Variants in SEMA6D observed in about 807,000 individuals in gnomAD.
SEMA6D encodes semaphorin-6D.
In SEMA6D, 35 loss-of-function variants were observed where a neutral mutation model predicts 106.6. The ratio of observed to expected loss-of-function variants is 0.33; its 90% CI spans 0.25 to 0.44. The LOEUF is 0.44. Among genes scored for constraint, SEMA6D ranks in the 20% least tolerant of loss-of-function variants. The probability of loss-of-function intolerance (pLI) is 1.00; values close to 1 mark genes in which losing one functional copy is unlikely to be tolerated. For synonymous variants in SEMA6D, 499 were observed against 487.7 expected (o/e 1.02, Z -0.31); for missense variants, 1,185 against 1,345.9 (o/e 0.88, Z 1.87).
chr15:47,375,952 C>G (rs2039432948), intron 1 of SEMA6D, among the ~76,000 whole-genome samples: 2 of 152,122 alleles, frequency 1.3e-5, no homozygotes, highest in Non-Finnish European at 2.9e-5. Context: ...GGTTTGAATC[C>G]ACTCACATTG....
At chr15:47,481,144 C>T (rs2043142985) in intron 3 of SEMA6D, among the ~76,000 whole-genome samples, 1 of 152,130 alleles carries the variant, frequency 6.6e-6, no homozygotes, top group Admixed American at 6.6e-5. Context: ...TCTGTAAGGG[C>T]TCAGATCCAT....
At chr15:47,711,309 CAAAAAAA>C (rs10672105) in intron 4 of SEMA6D, among the ~76,000 whole-genome samples, 4 of 97,782 alleles carry the variant, frequency 4.1e-5, no homozygotes, top group South Asian at 7.7e-4. Context: ...GACTCCGTCT[CAAAAAAA>C]AAAAAAAAAA....
Position 47,701,362 on chromosome 15 carries a change from G to T in SEMA6D, c.-54-58383G>T, listed in dbSNP as rs562999464. On this transcript the variant is annotated intron_variant, in intron 4 of 19. Transcript: ENST00000558014. Reference sequence around the variant, plus strand: ...TAGAATGGTGGTTACCAGGAGCTGAGGGGAGGGGGATTGGGGAGATGTTGG... The same window carrying T: ...TAGAATGGTGGTTACCAGGAGCTGATGGGAGGGGGATTGGGGAGATGTTGG... Among the ~76,000 whole-genome samples, 32 of 152,302 alleles carry T rather than the reference G, an allele frequency of 2.1e-4. No individual in the cohort carries two copies. The South Asian group carries it at 6.6e-3, about 32-fold the overall frequency.
intron 1 of SEMA6D, among the ~76,000 whole-genome samples, chr15:47,321,401 C>G (rs774889034): frequency 6.6e-6 from 1 of 152,118 alleles, no homozygotes; most frequent in Non-Finnish European, 1.5e-5. Flanking sequence ...CATCCTTTAT[C>G]AATATTTATT....
intron 3 of SEMA6D, among the ~76,000 whole-genome samples, chr15:47,476,652 G>T (rs1375618294): frequency 6.6e-6 from 1 of 152,054 alleles, no homozygotes; most frequent in Non-Finnish European, 1.5e-5. Context: ...GGGGTGGGGG[G>T]AGCATGAATA....
chr15:47,259,537 C>T (rs1270383481), intron 1 of SEMA6D, among the ~76,000 whole-genome samples: 2 of 151,810 alleles, frequency 1.3e-5, no homozygotes, highest in Admixed American at 1.3e-4. Flanking sequence ...GATGAGAAAT[C>T]CAACTGTCAT....
chr15:47,347,582 CTGTTTTT>C (rs3050503), intron 1 of SEMA6D, among the ~76,000 whole-genome samples: 71,890 of 151,208 alleles, frequency 0.48, 19,638 homozygotes, highest in African/African-American at 0.76. Context: ...GCTTTATTCT[CTGTTTTT>C]TGTTTTTTGT....
intron 2 of SEMA6D, among the ~76,000 whole-genome samples, chr15:47,461,795 A>G (rs921094296): frequency 6.6e-6 from 1 of 152,072 alleles, no homozygotes; most frequent in South Asian, 2.1e-4. Flanking sequence ...GGATAAATTC[A>G]TAAGATTAGA....
chr15:47,309,631 T>A (rs1379398429), intron 1 of SEMA6D, among the ~76,000 whole-genome samples: 1 of 152,166 alleles, frequency 6.6e-6, no homozygotes, highest in Non-Finnish European at 1.5e-5. Flanking sequence ...CTAGGGGTCT[T>A]GGAACATATG....
chr15:47,503,207 AT>A (rs1207805944), intron 3 of SEMA6D, among the ~76,000 whole-genome samples: 1 of 152,058 alleles, frequency 6.6e-6, no homozygotes, highest in African/African-American at 2.4e-5. Flanking sequence ...AATATCCAAT[AT>A]TTTTCTGCTG....
intron 1 of SEMA6D, among the ~76,000 whole-genome samples, chr15:47,750,285 A>G (rs2081358279): frequency 6.6e-6 from 1 of 152,174 alleles, no homozygotes; most frequent in African/African-American, 2.4e-5. Flanking sequence ...ATCCCACTAG[A>G]TAGGGAAGTA....
intron 3 of SEMA6D, among the ~76,000 whole-genome samples, chr15:47,493,427 C>G (rs1469381497): frequency 6.6e-6 from 1 of 152,198 alleles, no homozygotes; most frequent in East Asian, 1.9e-4. Flanking sequence ...AAAACTTGCT[C>G]TATCACAATA....
intron 3 of SEMA6D, among the ~76,000 whole-genome samples, chr15:47,494,820 C>G (rs1162892724): frequency 7.0e-6 from 1 of 142,082 alleles, no homozygotes; most frequent in Non-Finnish European, 1.5e-5. Context: ...CACACACACA[C>G]ACACACACAC....
At position 47,773,130 on chromosome 15, in the gene SEMA6D, A is replaced by G. The variant is rs902375114; in HGVS notation, c.*1345A>G. 1.3e-5 allele frequency: 2 copies of G among 152,626 alleles called. No individual in the cohort carries two copies. Among genetic ancestry groups the G allele is most frequent in the African/African-American group, 4.8e-5 (2 of 41,452 alleles). The allele number at this position is 152,626 out of a possible 1,614,324, so 9.5% of individuals were successfully genotyped here. On this transcript the variant is annotated 3_prime_UTR_variant, in exon 19 of 19. Transcript: ENST00000536845. ...CTAAAATCTGTCAAGTGTTTTCAGT[A>G]TAGCACATTATTTACTGAGTGCCAG...
chr15:47,448,295 A>G (rs1299889135), intron 2 of SEMA6D, among the ~76,000 whole-genome samples: 2 of 152,084 alleles, frequency 1.3e-5, no homozygotes, highest in Admixed American at 6.6e-5. Flanking sequence ...AGAGCTGACT[A>G]TTTTCCAGAA....
intron 1 of SEMA6D, among the ~76,000 whole-genome samples, chr15:47,256,726 G>A (rs990305675): frequency 1.3e-5 from 2 of 152,044 alleles, no homozygotes; most frequent in African/African-American, 4.8e-5. Flanking sequence ...GGGCTTGGTG[G>A]TGCACGCCTA....
At chr15:47,520,068 T>C (rs989010620) in intron 3 of SEMA6D, among the ~76,000 whole-genome samples, 1 of 152,072 alleles carries the variant, frequency 6.6e-6, no homozygotes, top group African/African-American at 2.4e-5. Context: ...AGCAAGACCT[T>C]GAGAAAAATG....
chr15:47,327,661 C>T (rs1432534872), intron 1 of SEMA6D, among the ~76,000 whole-genome samples: 1 of 152,152 alleles, frequency 6.6e-6, no homozygotes, highest in Non-Finnish European at 1.5e-5. Context: ...CAAAGAACAT[C>T]TCACTTAGCT....
intron 4 of SEMA6D, among the ~76,000 whole-genome samples, chr15:47,684,057 C>T (rs927546910): frequency 2.6e-5 from 4 of 152,120 alleles, no homozygotes; most frequent in South Asian, 2.1e-4. Context: ...AAGGTCTTCA[C>T]GTCTAAGCAG....
Sources: gnomAD v4.1 joint callset for allele counts (sites outside exome capture counted in the v4.1 genomes callset) on GRCh38, gnomAD v4.1.1 for gene constraint, MANE v1.5 for transcripts, NCBI Gene and HGNC (gene_info 2026-07-23, HGNC 2026-07-21) for gene names.